Variants in INTS9 observed in about 807,000 individuals in gnomAD.
The protein encoded by INTS9 is protein related to CPSF subunits of 74 kDa.
A neutral mutation model predicts 79.7 loss-of-function variants in INTS9; 55 were observed. That is an observed-to-expected ratio of 0.69 (90% CI 0.56 to 0.86). The LOEUF (loss-of-function observed/expected upper bound fraction) is 0.86, where lower values mean the gene tolerates loss of function less well. Ranked by LOEUF, INTS9 falls within the 40% of genes least tolerant of loss-of-function variation. The pLI, the probability that INTS9 is intolerant of heterozygous loss-of-function variation, is 0.00. For synonymous variants in INTS9, 319 were observed against 325.2 expected (o/e 0.98, Z 0.20); for missense variants, 721 against 831.5 (o/e 0.87, Z 1.64).
intron 3 of INTS9, chr8:28,849,944 T>C (rs1807735479): frequency 6.2e-6 from 2 of 324,642 alleles, no homozygotes; most frequent in Non-Finnish European, 1.1e-5. Context: ...TAGTTGTCTT[T>C]CTGTGGTGAT....
intron 1 of INTS9, among the ~76,000 whole-genome samples, chr8:28,888,559 A>G (rs1810305592): frequency 6.6e-6 from 1 of 152,180 alleles, no homozygotes; most frequent in Non-Finnish European, 1.5e-5. Flanking sequence ...CTCTAAATAA[A>G]TAAATAATAA....
intron 6 of INTS9, among the ~76,000 whole-genome samples, chr8:28,828,843 A>G (rs776918890): frequency 3.8e-4 from 57 of 151,958 alleles, no homozygotes; most frequent in Non-Finnish European, 6.5e-4. Context: ...GATTATAGGT[A>G]TGACTAATTT....
chr8:28,843,396 G>A (rs962651283), intron 4 of INTS9, among the ~76,000 whole-genome samples: 1 of 152,190 alleles, frequency 6.6e-6, no homozygotes, highest in South Asian at 2.1e-4. Flanking sequence ...TTAAAAACCT[G>A]TTCAGGCAGA....
intron 11 of INTS9, 137 bp from the exon 12 acceptor site, chr8:28,781,131 G>A: frequency 1.5e-6 from 1 of 655,974 alleles, no homozygotes; most frequent in Non-Finnish European, 2.6e-6. Flanking sequence ...GAAAATACCT[G>A]CAAAAGTCAC....
intron 3 of INTS9, among the ~76,000 whole-genome samples, chr8:28,848,969 G>A (rs1807680539): frequency 6.6e-6 from 1 of 152,196 alleles, no homozygotes; most frequent in Non-Finnish European, 1.5e-5. Flanking sequence ...ACAGGTTTCT[G>A]AATGTCACAT....
At chr8:28,880,869 G>A (rs1441731843) in intron 1 of INTS9, among the ~76,000 whole-genome samples, 111 of 146,602 alleles carry the variant, frequency 7.6e-4, no homozygotes, top group African/African-American at 2.6e-3. Flanking sequence ...CTGCCCGGCC[G>A]CCCATCGTCT....
intron 1 of INTS9, among the ~76,000 whole-genome samples, chr8:28,876,928 A>T (rs764392057): frequency 5.3e-5 from 8 of 152,172 alleles, no homozygotes; most frequent in Non-Finnish European, 1.2e-4. Context: ...AAAATGCTAC[A>T]AAGAAACATT....
At chr8:28,875,093 C>A (rs1809306711) in intron 1 of INTS9, among the ~76,000 whole-genome samples, 1 of 152,128 alleles carries the variant, frequency 6.6e-6, no homozygotes, top group Admixed American at 6.5e-5. Context: ...TCAGGAAAGA[C>A]CCGCCCCCAT....
rs546487012 is a variant in INTS9, at chr8:28,851,743, G to A, written c.138-1470C>T. 2.0e-5 allele frequency among the ~76,000 whole-genome samples: 3 copies of A among 152,098 alleles called. No homozygotes were observed. The South Asian group carries it at 6.2e-4, about 32-fold the overall frequency. The stretch of plus-strand genomic sequence containing the variant: ...TGAGCCACTGCACCCAGCCGGGGGT[G>A]GGGGGTAAGTTTTAATTATTAGGTT... On this transcript the variant is annotated intron_variant, in intron 2 of 16. Transcript: ENST00000521022.
At chr8:28,842,900 T>C (rs1274565023) in intron 4 of INTS9, among the ~76,000 whole-genome samples, 1 of 152,210 alleles carries the variant, frequency 6.6e-6, no homozygotes, top group Admixed American at 6.5e-5. Flanking sequence ...GTCCTTTCCA[T>C]AGAGTACTGT....
At chr8:28,834,062 T>A (rs1167203354) in intron 6 of INTS9, among the ~76,000 whole-genome samples, 1 of 152,186 alleles carries the variant, frequency 6.6e-6, no homozygotes, top group Non-Finnish European at 1.5e-5. Context: ...AACTTCCTTG[T>A]CCCTTGGTTC....
intron 1 of INTS9, among the ~76,000 whole-genome samples, chr8:28,876,066 T>G (rs1809367795): frequency 6.6e-6 from 1 of 152,206 alleles, no homozygotes; most frequent in South Asian, 2.1e-4. Flanking sequence ...TATGGAGATT[T>G]TTTTTTGGGG....
At chr8:28,882,363 C>T (rs1809910201) in intron 1 of INTS9, among the ~76,000 whole-genome samples, 1 of 142,808 alleles carries the variant, frequency 7.0e-6, no homozygotes, top group Non-Finnish European at 1.5e-5. Flanking sequence ...AAACCAGAGA[C>T]CTTTGTTCAC....
intron 11 of INTS9, among the ~76,000 whole-genome samples, chr8:28,785,177 G>A (rs1803515232): frequency 6.6e-6 from 1 of 152,220 alleles, no homozygotes; most frequent in African/African-American, 2.4e-5. Context: ...TACTGGTGAT[G>A]TTAACGTTGA....
At chr8:28,874,453 C>G (rs182321459) in intron 1 of INTS9, among the ~76,000 whole-genome samples, 1 of 151,918 alleles carries the variant, frequency 6.6e-6, no homozygotes. Context: ...CCATGCCCGG[C>G]TAATTTTTTG....
chr8:28,862,623 C>T (rs1263756424), intron 1 of INTS9, among the ~76,000 whole-genome samples: 1 of 152,064 alleles, frequency 6.6e-6, no homozygotes, highest in African/African-American at 2.4e-5. Context: ...TTTCAATCTG[C>T]CAAAATGCTT....
intron 14 of INTS9, among the ~76,000 whole-genome samples, chr8:28,774,916 T>C (rs1005896608): frequency 1.3e-5 from 2 of 152,170 alleles, no homozygotes; most frequent in Admixed American, 6.5e-5. Context: ...ATGGACAGCA[T>C]GCTTTGGCTC....
At chr8:28,859,316 T>C (rs1563302668) in intron 2 of INTS9, 120 bp downstream of exon 2, 2 of 1,133,768 alleles carry the variant, frequency 1.8e-6, no homozygotes, top group Admixed American at 4.9e-5. Context: ...ATAAAGAACA[T>C]TTTTAAGGAA....
At chr8:28,871,019 T>G (rs1002821523) in intron 1 of INTS9, among the ~76,000 whole-genome samples, 1 of 152,236 alleles carries the variant, frequency 6.6e-6, no homozygotes, top group African/African-American at 2.4e-5. Context: ...TACTTCATGC[T>G]GGGTTATTCA....
Sources: gnomAD v4.1 joint callset for allele counts (sites outside exome capture counted in the v4.1 genomes callset) on GRCh38, gnomAD v4.1.1 for gene constraint, MANE v1.5 for transcripts, NCBI Gene and HGNC (gene_info 2026-07-23, HGNC 2026-07-21) for gene names.